MARCHF3: variants seen among roughly 807,000 people sequenced by gnomAD.
MARCHF3 encodes the protein E3 ubiquitin-protein ligase MARCHF3.
Under a neutral mutation model 24.2 loss-of-function variants are expected in MARCHF3, and 13 were observed. That is an observed-to-expected ratio of 0.54 (90% CI 0.35 to 0.85). The LOEUF is 0.85. Among genes scored for constraint, MARCHF3 ranks in the 40% least tolerant of loss-of-function variants. The pLI, the probability that MARCHF3 is intolerant of heterozygous loss-of-function variation, is 0.01. For synonymous variants in MARCHF3, 144 were observed against 137.3 expected (o/e 1.05, Z -0.34); for missense variants, 276 against 325.0 (o/e 0.85, Z 1.16).
chr5:126,948,444 C>T (rs1195557468), intron 1 of MARCHF3, among the ~76,000 whole-genome samples: 1 of 152,200 alleles, frequency 6.6e-6, no homozygotes, highest in Non-Finnish European at 1.5e-5. Context: ...GTGTGCCCCA[C>T]ACTAGGATTT....
chr5:126,878,070 A>C, intron 4 of MARCHF3, 115 bp downstream of exon 4: 3 of 949,880 alleles, frequency 3.2e-6, no homozygotes, highest in Non-Finnish European at 4.9e-6. Flanking sequence ...CAGCAATCGA[A>C]GGTCTGTTTT....
intron 1 of MARCHF3, among the ~76,000 whole-genome samples, chr5:126,965,196 G>A (rs767413588): frequency 1.3e-5 from 2 of 152,080 alleles, no homozygotes; most frequent in African/African-American, 4.8e-5. Context: ...ACAATCATAT[G>A]AGACATGGAT....
At chr5:126,920,293 A>G (rs764799453) in intron 1 of MARCHF3, among the ~76,000 whole-genome samples, 28 of 152,116 alleles carry the variant, frequency 1.8e-4, no homozygotes, top group Non-Finnish European at 3.2e-4. Flanking sequence ...AAACAAAGAG[A>G]TGTTAAAAGA....
intron 1 of MARCHF3, among the ~76,000 whole-genome samples, chr5:126,967,196 A>G (rs1750849310): frequency 6.6e-6 from 1 of 152,020 alleles, no homozygotes; most frequent in Non-Finnish European, 1.5e-5. Flanking sequence ...TTTTCAATCC[A>G]GCAATTGATT....
At chr5:127,011,492 G>C (rs943419261) in intron 1 of MARCHF3, among the ~76,000 whole-genome samples, 5 of 152,154 alleles carry the variant, frequency 3.3e-5, no homozygotes, top group Non-Finnish European at 7.3e-5. Flanking sequence ...ATGCAGCAGA[G>C]CACTGCTTTT....
At chr5:126,916,571 T>G (rs1458757391) in intron 2 of MARCHF3, among the ~76,000 whole-genome samples, 1 of 152,172 alleles carries the variant, frequency 6.6e-6, no homozygotes, top group Non-Finnish European at 1.5e-5. Flanking sequence ...CTGACAAGTT[T>G]TTTTTTAACT....
intron 1 of MARCHF3, among the ~76,000 whole-genome samples, chr5:126,995,578 T>C (rs1751925320): frequency 6.6e-6 from 1 of 152,258 alleles, no homozygotes; most frequent in African/African-American, 2.4e-5. Context: ...GATATTCTCA[T>C]AGATTCCTTT....
intron 1 of MARCHF3, among the ~76,000 whole-genome samples, chr5:126,995,268 C>G (rs553373068): frequency 6.6e-6 from 1 of 152,192 alleles, no homozygotes; most frequent in Admixed American, 6.5e-5. Context: ...AGCACTAATA[C>G]GTAAATCAAT....
At chr5:126,962,054 C>T (rs554742636) in intron 1 of MARCHF3, among the ~76,000 whole-genome samples, 3 of 152,284 alleles carry the variant, frequency 2.0e-5, no homozygotes, top group African/African-American at 7.2e-5. Flanking sequence ...CATAAATATG[C>T]AGTGTATTTC....
chr5:127,014,946 T>C (rs898298716), intron 1 of MARCHF3, among the ~76,000 whole-genome samples: 12 of 152,164 alleles, frequency 7.9e-5, no homozygotes, highest in Admixed American at 2.6e-4. Flanking sequence ...TGATATATTA[T>C]ATAGTTTCAG....
At chr5:126,959,445 A>G (rs1580682676) in intron 1 of MARCHF3, among the ~76,000 whole-genome samples, 1 of 152,202 alleles carries the variant, frequency 6.6e-6, no homozygotes, top group East Asian at 1.9e-4. Context: ...ATCCCAGCCA[A>G]GAGGAGTCCA....
In MARCHF3 at chr5:127,021,415, T is replaced by C. The variant is rs185321372; in HGVS notation, c.-57+8935A>G. ...AATTTTTAGAATTATAAATTTTGCA[T>C]GTAACAGAGAGCAGAAAATATAATA... On this transcript the variant is annotated intron_variant, in intron 1 of 4. Transcript: ENST00000308660. Among the ~76,000 whole-genome samples, 340 of 152,344 alleles carry C rather than the reference T, an allele frequency of 2.2e-3. 2 individuals are homozygous for C. The highest frequency in any genetic ancestry group is 3.6e-3 in the Non-Finnish European group (247 of 68,032).
intron 1 of MARCHF3, among the ~76,000 whole-genome samples, chr5:127,005,146 T>C (rs1752265188): frequency 6.7e-6 from 1 of 149,516 alleles, no homozygotes; most frequent in African/African-American, 2.5e-5. Context: ...TTTTTTTTTT[T>C]TTTTTTTTGA....
At chr5:126,888,827 C>G (rs994836599) in intron 3 of MARCHF3, among the ~76,000 whole-genome samples, 2 of 152,160 alleles carry the variant, frequency 1.3e-5, no homozygotes, top group African/African-American at 4.8e-5. Flanking sequence ...TGCAGTGGCA[C>G]AATCTTGGCT....
At chr5:126,933,446 T>C (rs931592179) in intron 1 of MARCHF3, among the ~76,000 whole-genome samples, 131 of 139,708 alleles carry the variant, frequency 9.4e-4, no homozygotes, top group African/African-American at 3.1e-3. Flanking sequence ...TTGGTATCTC[T>C]TTTTTTTTTT....
chr5:126,948,488 T>A (rs1437154896), intron 1 of MARCHF3, among the ~76,000 whole-genome samples: 1 of 152,208 alleles, frequency 6.6e-6, no homozygotes, highest in African/African-American at 2.4e-5. Context: ...GGGAAAACTT[T>A]AGTGCTGATA....
chr5:126,897,133 G>A (rs529829377), intron 3 of MARCHF3, among the ~76,000 whole-genome samples: 11 of 148,622 alleles, frequency 7.4e-5, no homozygotes, highest in African/African-American at 1.0e-4. Context: ...TCTGCCTCCC[G>A]GGTTCAAGCG....
In MARCHF3 at chr5:126,870,913, C is replaced by T. The variant is rs1048530901; in HGVS notation, c.604-122G>A. ...AAGAGCTGGAAGCACTATGGCAGGG[C>T]AAGAACCCTGGGAAAATGGCTCTGG... On this transcript the variant is annotated intron_variant, in intron 4 of 4. Coordinates refer to ENST00000308660, the MANE Select transcript of MARCHF3 (RefSeq NM_178450.5). 4 of 1,351,682 alleles carry T rather than the reference C, an allele frequency of 3.0e-6. No individual in the cohort carries two copies. The Admixed American group carries it at 7.5e-5, about 25-fold the overall frequency. The allele number at this position is 1,351,682 out of a possible 1,614,324, so 83.7% of individuals were successfully genotyped here. A position where few individuals can be genotyped will look rare whatever the true frequency, so the allele number is the denominator to read the frequency against.
chr5:126,874,723 T>A (rs1000337602), intron 4 of MARCHF3, among the ~76,000 whole-genome samples: 3 of 152,106 alleles, frequency 2.0e-5, no homozygotes, highest in Non-Finnish European at 4.4e-5. Context: ...TCCTCAGCAA[T>A]GTGCCCAGCT....
Sources: gnomAD v4.1 joint callset for allele counts (sites outside exome capture counted in the v4.1 genomes callset) on GRCh38, gnomAD v4.1.1 for gene constraint, MANE v1.5 for transcripts, NCBI Gene and HGNC (gene_info 2026-07-23, HGNC 2026-07-21) for gene names.